Variants in SNX9 observed in about 807,000 individuals in gnomAD.
SNX9 encodes sorting nexin-9.
SNX9 carries 44 observed loss-of-function variants against 89.4 expected under a neutral mutation model. The ratio of observed to expected loss-of-function variants is 0.49; its 90% CI spans 0.39 to 0.63. SNX9 has a LOEUF of 0.63. SNX9 is among the 30% of genes least tolerant of loss of function. The pLI is 0.00. For synonymous variants in SNX9, 236 were observed against 247.8 expected, an observed-to-expected ratio of 0.95 and a Z score of 0.45; for missense variants, 578 against 736.1, an observed-to-expected ratio of 0.79 and a Z score of 2.49.
In SNX9 at chr6:157,823,248, G is replaced by A. The variant is rs186186841; in HGVS notation, c.-187G>A. 2 of 296,446 alleles carry A rather than the reference G, an allele frequency of 6.7e-6. No individual in the cohort carries two copies. The highest frequency in any genetic ancestry group is 1.2e-5 in the Non-Finnish European group (2 of 171,942). The allele number at this position is 296,446 out of a possible 1,614,324, so 18.4% of individuals were successfully genotyped here. ...GGAACTGCAGGAGCGTGCGGCGCGG[G>A]AGTAGCCGAGCGCCCAGCGGCTGGG... On this transcript the variant is annotated 5_prime_UTR_variant, in exon 1 of 18. Coordinates refer to ENST00000392185, the MANE Select transcript of SNX9 (RefSeq NM_016224.5). The surrounding 1 kb of genome is among the most constrained non-coding windows in gnomAD (Gnocchi z 4.6).
chr6:157,942,832 G>GA lies in SNX9; in HGVS notation c.1783dup (p.Met595AsnfsTer8). ...GGCAGGCCCTCAGCCGCTTTCCAGT[G>GA]ATGTAGGACAGAACGGGCCTTGAAG... is the stretch of plus-strand genomic sequence containing the variant. On this transcript the variant is annotated frameshift_variant, in exon 18 of 18. Transcript: ENST00000392185. LOFTEE classifies it high-confidence loss of function. 6.2e-7 allele frequency: 1 copy of GA among 1,613,882 alleles called. No homozygotes were observed. The highest frequency in any genetic ancestry group is 8.5e-7 in the Non-Finnish European group (1 of 1,179,898).
At chr6:157,848,694 G>A (rs1476611361) in intron 1 of SNX9, among the ~76,000 whole-genome samples, 1 of 152,208 alleles carries the variant, frequency 6.6e-6, no homozygotes, top group African/African-American at 2.4e-5. Context: ...GCTGTGTCAG[G>A]TACTGTGCTG....
At chr6:157,919,684 G>GT (rs976777783) in intron 9 of SNX9, among the ~76,000 whole-genome samples, 1 of 151,778 alleles carries the variant, frequency 6.6e-6, no homozygotes, top group East Asian at 1.9e-4. Context: ...CTGCCACATT[G>GT]TTTTTTTCTG....
intron 12 of SNX9, among the ~76,000 whole-genome samples, chr6:157,929,287 G>C (rs568368085): frequency 1.3e-5 from 2 of 152,236 alleles, no homozygotes; most frequent in African/African-American, 4.8e-5. Context: ...GTGCAGCTCT[G>C]TCACCACACA....
chr6:157,911,440 G>A (rs979215502), intron 9 of SNX9, among the ~76,000 whole-genome samples: 9 of 152,226 alleles, frequency 5.9e-5, no homozygotes, highest in African/African-American at 1.9e-4. Context: ...TTCAGGGAGG[G>A]CCTGCGACCC....
At chr6:157,893,008 G>C (rs914908342) in intron 4 of SNX9, among the ~76,000 whole-genome samples, 2 of 152,190 alleles carry the variant, frequency 1.3e-5, no homozygotes, top group African/African-American at 4.8e-5. Flanking sequence ...GGCTGAGGCT[G>C]CTGTACCAAT....
At chr6:157,845,883 C>G (rs1781797461) in intron 1 of SNX9, among the ~76,000 whole-genome samples, 1 of 152,188 alleles carries the variant, frequency 6.6e-6, no homozygotes, top group Non-Finnish European at 1.5e-5. Flanking sequence ...GTTCTTTACT[C>G]TTATAACTTG....
At chr6:157,907,855 T>C (rs3805779) in intron 7 of SNX9, among the ~76,000 whole-genome samples, 35,239 of 152,198 alleles carry the variant, frequency 0.23, 4,250 homozygotes, top group African/African-American at 0.28. Flanking sequence ...AAATTGGGCC[T>C]TAGCCAAGCA....
chr6:157,848,100 C>T (rs1025596391), intron 1 of SNX9, among the ~76,000 whole-genome samples: 1 of 152,152 alleles, frequency 6.6e-6, no homozygotes, highest in Non-Finnish European at 1.5e-5. Context: ...AATTGCTTTG[C>T]GTGTTGATGG....
intron 4 of SNX9, among the ~76,000 whole-genome samples, chr6:157,891,847 A>G (rs190970778): frequency 6.6e-6 from 1 of 152,348 alleles, no homozygotes; most frequent in African/African-American, 2.4e-5. Context: ...GCAGAGATGT[A>G]GAAAAGTTTG....
At chr6:157,934,101 G>A (rs983451074) in intron 13 of SNX9, 10 of 152,144 alleles carry the variant, frequency 6.6e-5, no homozygotes, top group African/African-American at 9.7e-5. Flanking sequence ...TATACTATGC[G>A]ATCTTGCAAT....
intron 10 of SNX9, among the ~76,000 whole-genome samples, chr6:157,925,527 A>G (rs1213784279): frequency 6.6e-6 from 1 of 152,122 alleles, no homozygotes; most frequent in Non-Finnish European, 1.5e-5. Context: ...AGACATCTAC[A>G]TAACAGCTTC....
At chr6:157,832,682 G>A (rs1382195246) in intron 1 of SNX9, among the ~76,000 whole-genome samples, 3 of 152,138 alleles carry the variant, frequency 2.0e-5, no homozygotes, top group South Asian at 4.1e-4. Flanking sequence ...AAGAAGTGCC[G>A]AGCAAAAGGG....
chr6:157,827,028 AC>A (rs1781378314), intron 1 of SNX9, among the ~76,000 whole-genome samples: 1 of 16,884 alleles, frequency 5.9e-5, no homozygotes, highest in Non-Finnish European at 8.0e-5. Context: ...TATAATATAT[AC>A]ATATATATTA....
intron 4 of SNX9, among the ~76,000 whole-genome samples, chr6:157,890,163 T>C (rs1782827119): frequency 1.3e-5 from 2 of 152,206 alleles, no homozygotes. Context: ...TGTACCAGGA[T>C]TCGTCTTGCC....
At chr6:157,923,844 G>A (rs891340077) in intron 10 of SNX9, among the ~76,000 whole-genome samples, 2 of 152,172 alleles carry the variant, frequency 1.3e-5, no homozygotes, top group African/African-American at 4.8e-5. Context: ...ATTGGTGCTG[G>A]GTCAGTTGGA....
chr6:157,845,082 G>A (rs943724338), intron 1 of SNX9, among the ~76,000 whole-genome samples: 10 of 150,328 alleles, frequency 6.7e-5, no homozygotes, highest in Non-Finnish European at 1.3e-4. Flanking sequence ...TTCAGCCACC[G>A]CACCTGGCCC....
chr6:157,909,713 T>G lies in SNX9; in HGVS notation c.754T>G (p.Cys252Gly). 1 of 1,614,184 alleles carries G rather than the reference T, an allele frequency of 6.2e-7. No homozygotes were observed. The highest frequency in any genetic ancestry group is 8.5e-7 in the Non-Finnish European group (1 of 1,180,010). Residue 252 changes from cysteine to glycine, a missense_variant, in exon 8 of 18, where the codon TGT becomes GGT. Cys to Gly is a radical substitution (Grantham distance 159). Coordinates refer to ENST00000392185, the MANE Select transcript of SNX9 (RefSeq NM_016224.5). ...MWVYPTSTFD[C>G]VVADPRKGSK... ...GGTTTATCCTACCTCTACTTTTGAC[T>G]GTGTGGTAGCAGATCCCAGGAAAGG...
At chr6:157,860,847 G>T (rs536046381) in intron 1 of SNX9, among the ~76,000 whole-genome samples, 29 of 152,298 alleles carry the variant, frequency 1.9e-4, no homozygotes, top group African/African-American at 7.0e-4. Context: ...CCCTAGAATT[G>T]TACAGTCGCC....
Sources: gnomAD v4.1 joint callset for allele counts (sites outside exome capture counted in the v4.1 genomes callset) on GRCh38, gnomAD v4.1.1 for gene constraint, Gnocchi (gnomAD v3.1) non-coding constraint, MANE v1.5 for transcripts, NCBI Gene and HGNC (gene_info 2026-07-23, HGNC 2026-07-21) for gene names.